Variants in CNTN4 observed in about 807,000 individuals in gnomAD.
CNTN4 encodes the protein contactin-4.
Under a neutral mutation model 122.5 loss-of-function variants are expected in CNTN4, and 77 were observed. The ratio of observed to expected loss-of-function variants is 0.63; its 90% CI spans 0.52 to 0.76. CNTN4 has a LOEUF of 0.76. Ranked by LOEUF, CNTN4 falls within the 30% of genes least tolerant of loss-of-function variation. CNTN4 has a pLI of 0.00. For missense variants in CNTN4, 1,256 were observed against 1,259.1 expected, an observed-to-expected ratio of 1.00 and a Z score of 0.04; for synonymous variants, 512 against 447.0, an observed-to-expected ratio of 1.15 and a Z score of -1.83.
intron 3 of CNTN4, among the ~76,000 whole-genome samples, chr3:2,541,804 CT>C (rs1466262150): frequency 6.6e-6 from 1 of 152,040 alleles, no homozygotes; most frequent in African/African-American, 2.4e-5. Context: ...TGTTGGAGGC[CT>C]TCTTCAACTC....
intron 4 of CNTN4, among the ~76,000 whole-genome samples, chr3:2,730,912 A>T (rs1331660898): frequency 6.6e-6 from 1 of 152,096 alleles, no homozygotes; most frequent in Admixed American, 6.6e-5. Context: ...GGCCAAATTA[A>T]TTAAAAGAAA....
At chr3:2,274,921 C>A (rs1487676083) in intron 2 of CNTN4, among the ~76,000 whole-genome samples, 6 of 152,094 alleles carry the variant, frequency 3.9e-5, no homozygotes, top group Non-Finnish European at 7.4e-5. Context: ...CATCTTGATA[C>A]TGTGTCAAAG....
At chr3:2,626,259 C>T (rs1232721599) in intron 4 of CNTN4, among the ~76,000 whole-genome samples, 1 of 151,870 alleles carries the variant, frequency 6.6e-6, no homozygotes, top group East Asian at 1.9e-4. Context: ...AATCTAAGGC[C>T]GAGGTGGGCG....
chr3:2,180,948 G>T (rs2036986162), intron 2 of CNTN4, among the ~76,000 whole-genome samples: 1 of 151,986 alleles, frequency 6.6e-6, no homozygotes, highest in Non-Finnish European at 1.5e-5. Flanking sequence ...GTCAAATATT[G>T]CCTAGCCATC....
rs1275044529 is a variant in CNTN4 at position 3,026,150 on chromosome 3, G to A, written c.1535G>A (p.Gly512Glu). The A allele has an allele frequency of 2.5e-6, 4 of 1,613,420 alleles. No individual in the cohort carries two copies. Among genetic ancestry groups the A allele is most frequent in the South Asian group, 1.1e-5 (1 of 91,056 alleles). ...CCTTCCAGTATGGATGTCACTGTTG[G>A]AGAGAGTATTGTTTTACCGTGCCAG... The part of the protein sequence containing the change: ...VPPSSMDVTV[G>E]ESIVLPCQVT... Residue 512 changes from glycine (G) to glutamate (E), a missense_variant, in exon 15 of 25, where the codon GGA becomes GAA. By Grantham distance (98) the Gly-to-Glu change is moderately conservative. Transcript: ENST00000418658.
chr3:2,758,009 A>G (rs1263875205), intron 6 of CNTN4, among the ~76,000 whole-genome samples: 1 of 152,162 alleles, frequency 6.6e-6, no homozygotes, highest in East Asian at 1.9e-4. Flanking sequence ...TCATTTGTTC[A>G]TAGCCTCTAC....
chr3:2,630,637 C>A (rs562421318), intron 4 of CNTN4, among the ~76,000 whole-genome samples: 2 of 151,872 alleles, frequency 1.3e-5, no homozygotes, highest in South Asian at 4.2e-4. Context: ...AAATCTTCTT[C>A]TCTGTAATTA....
intron 4 of CNTN4, among the ~76,000 whole-genome samples, chr3:2,661,809 C>CAAAAA (rs544079802): frequency 3.8e-5 from 3 of 78,464 alleles, no homozygotes; most frequent in Non-Finnish European, 7.6e-5. Context: ...AATTCCATCT[C>CAAAAA]AAAAAAAAAA....
At chr3:2,577,914 T>A (rs2079766561) in intron 4 of CNTN4, among the ~76,000 whole-genome samples, 1 of 152,212 alleles carries the variant, frequency 6.6e-6, no homozygotes, top group African/African-American at 2.4e-5. Context: ...ACTTCAGCAA[T>A]TATCTCTTTC....
intron 4 of CNTN4, among the ~76,000 whole-genome samples, chr3:2,706,673 A>G (rs775555274): frequency 6.6e-6 from 1 of 152,180 alleles, no homozygotes; most frequent in Non-Finnish European, 1.5e-5. Context: ...AATACTGCTT[A>G]ATCTATATGA....
chr3:2,406,516 A>G (rs183131231), intron 3 of CNTN4, among the ~76,000 whole-genome samples: 4 of 152,308 alleles, frequency 2.6e-5, no homozygotes, highest in East Asian at 1.9e-4. Context: ...TGTTTTGATA[A>G]TTGCACTGTG....
Position 2,704,642 on chromosome 3 carries a change from A to G in CNTN4, c.56-31573A>G, listed in dbSNP as rs553299345. Among the ~76,000 whole-genome samples the G allele has an allele frequency of 2.6e-5, 4 of 152,336 alleles. No individual in the cohort carries two copies. In the East Asian group the frequency reaches 7.7e-4, roughly 29 times the overall value. On this transcript the variant is annotated intron_variant, in intron 4 of 24. Coordinates refer to ENST00000418658, the MANE Select transcript of CNTN4 (RefSeq NM_175607.3). Reference sequence around the variant, plus strand: ...CAGAATCACCTGCAGGACTTGTTCAAAAACAGATTACTATTCCCACTCCCA... The same window carrying G: ...CAGAATCACCTGCAGGACTTGTTCAGAAACAGATTACTATTCCCACTCCCA...
intron 13 of CNTN4, among the ~76,000 whole-genome samples, chr3:2,944,086 T>G (rs1010493637): frequency 2.0e-5 from 3 of 151,844 alleles, no homozygotes; most frequent in Non-Finnish European, 4.4e-5. Context: ...CTAATAACCT[T>G]TACCTGTATC....
intron 3 of CNTN4, among the ~76,000 whole-genome samples, chr3:2,488,230 T>C (rs139105610): frequency 2.6e-4 from 39 of 152,320 alleles, no homozygotes; most frequent in Middle Eastern, 3.4e-3. Flanking sequence ...GCTAGGAAAA[T>C]GTACAGCAAG....
intron 4 of CNTN4, among the ~76,000 whole-genome samples, chr3:2,653,143 G>A (rs1025681450): frequency 2.2e-4 from 34 of 152,018 alleles, no homozygotes; most frequent in African/African-American, 6.5e-4. Flanking sequence ...TAAAACATAC[G>A]CGTTAATACA....
At chr3:2,750,966 A>T (rs566351533) in intron 6 of CNTN4, among the ~76,000 whole-genome samples, 1 of 152,114 alleles carries the variant, frequency 6.6e-6, no homozygotes, top group Admixed American at 6.5e-5. Context: ...TTAATTCCTT[A>T]TAAGTGTTTC....
At chr3:2,343,346 G>A (rs1335390006) in intron 3 of CNTN4, among the ~76,000 whole-genome samples, 3 of 152,058 alleles carry the variant, frequency 2.0e-5, no homozygotes, top group Admixed American at 6.6e-5. Context: ...CACTGGTCAC[G>A]GGCCAAGTCT....
intron 4 of CNTN4, among the ~76,000 whole-genome samples, chr3:2,712,048 A>G (rs2087183986): frequency 6.6e-6 from 1 of 152,236 alleles, no homozygotes; most frequent in South Asian, 2.1e-4. Flanking sequence ...CTAATGACAG[A>G]TGAATCACCA....
intron 14 of CNTN4, among the ~76,000 whole-genome samples, chr3:3,000,159 T>G (rs1232170236): frequency 6.6e-5 from 10 of 152,080 alleles, no homozygotes; most frequent in African/African-American, 2.4e-4. Flanking sequence ...ACATCATTTA[T>G]GAGTCTACAA....
Sources: allele counts gnomAD v4.1 joint callset (sites outside exome capture counted in the v4.1 genomes callset), GRCh38; gene constraint gnomAD v4.1.1; transcripts MANE v1.5; gene names NCBI Gene and HGNC (gene_info 2026-07-23, HGNC 2026-07-21).